The following CA1 variants were observed in gnomAD, a reference collection of about 807,000 sequenced individuals.
The protein encoded by CA1 is carbonate dehydratase I.
A neutral mutation model predicts 28.8 loss-of-function variants in CA1; 27 were observed. The observed-to-expected ratio is 0.94, with a 90% confidence interval of 0.69 to 1.29. The LOEUF (loss-of-function observed/expected upper bound fraction) is 1.29, where lower values mean the gene tolerates loss of function less well. Among genes scored for constraint, CA1 ranks in the 50% most tolerant of loss-of-function variants. The pLI is 0.00. For missense variants in CA1, 335 were observed against 310.5 expected, an observed-to-expected ratio of 1.08 and a Z score of -0.59; for synonymous variants, 121 against 108.8, an observed-to-expected ratio of 1.11 and a Z score of -0.70.
chr8:85,344,274 A>ATTTGAAT (rs1809077093), intron 1 of CA1, among the ~76,000 whole-genome samples: 1 of 65,124 alleles, frequency 1.5e-5, no homozygotes, highest in African/African-American at 5.3e-5. Context: ...ATAATATATA[A>ATTTGAAT]TTATATATTA....
chr8:85,373,647 CAT>C (rs1179816487), intron 1 of CA1, among the ~76,000 whole-genome samples: 1 of 152,054 alleles, frequency 6.6e-6, no homozygotes, highest in African/African-American at 2.4e-5. Context: ...AGGAAAAAAA[CAT>C]AGTGTTTATA....
chr8:85,367,010 A>C (rs1026036165), intron 1 of CA1, among the ~76,000 whole-genome samples: 7 of 152,068 alleles, frequency 4.6e-5, no homozygotes, highest in Non-Finnish European at 1.0e-4. Flanking sequence ...TTATAATAAA[A>C]TTATTTAAAT....
chr8:85,353,341 A>G (rs1030043380), intron 1 of CA1, among the ~76,000 whole-genome samples: 17 of 152,354 alleles, frequency 1.1e-4, no homozygotes, highest in Admixed American at 8.5e-4. Flanking sequence ...TGTGGTTTCA[A>G]ATTCAAAGGT....
Position 85,328,625 on chromosome 8 carries a change from G to T in CA1, c.721C>A (p.Pro241Thr). 2 of 1,611,462 alleles carry T rather than the reference G, an allele frequency of 1.2e-6. No homozygotes were observed. Among genetic ancestry groups the T allele is most frequent in the Non-Finnish European group, 1.7e-6 (2 of 1,178,220 alleles). The change falls in exon 8 of 8, where the codon CCC becomes ACC. Residue 241 changes from proline (P) to threonine (T), a missense_variant. Coordinates refer to ENST00000523022, the MANE Select transcript of CA1 (RefSeq NM_001128831.4). ...GTTGGGCGGTTGTTGTGCTGCATGGGGACAGCGTTATCACCTTCAACATTT... is the reference window on the plus strand; with the variant it reads ...GTTGGGCGGTTGTTGTGCTGCATGGTGACAGCGTTATCACCTTCAACATTT... The part of the protein sequence containing the change: ...LSNVEGDNAV[P>T]MQHNNRPTQP...
intron 1 of CA1, among the ~76,000 whole-genome samples, chr8:85,361,089 G>A (rs1003406171): frequency 6.6e-6 from 1 of 152,124 alleles, no homozygotes; most frequent in Non-Finnish European, 1.5e-5. Context: ...GGCACATGTT[G>A]TCCCATCCTG....
chr8:85,346,171 A>G (rs1218372985), intron 1 of CA1, among the ~76,000 whole-genome samples: 1 of 152,186 alleles, frequency 6.6e-6, no homozygotes, highest in Non-Finnish European at 1.5e-5. Flanking sequence ...TTTTAAGTAT[A>G]TCTCATTGAC....
intron 1 of CA1, among the ~76,000 whole-genome samples, chr8:85,352,312 C>T (rs1297393896): frequency 6.6e-6 from 1 of 152,148 alleles, no homozygotes; most frequent in Admixed American, 6.5e-5. Context: ...GTGGCACTTG[C>T]AGAATCCTGG....
intron 1 of CA1, among the ~76,000 whole-genome samples, chr8:85,365,207 T>C (rs906473953): frequency 1.2e-4 from 19 of 152,222 alleles, no homozygotes; most frequent in African/African-American, 4.6e-4. Context: ...ACATTAATGA[T>C]GACAAAGGGT....
chr8:85,332,233 G>A (rs1258395914), intron 6 of CA1: 1 of 354,812 alleles, frequency 2.8e-6, no homozygotes, highest in African/African-American at 2.1e-5. Flanking sequence ...AATTTAAATG[G>A]CTATGTAATC....
At chr8:85,353,846 T>A (rs1229054627) in intron 1 of CA1, among the ~76,000 whole-genome samples, 4 of 152,206 alleles carry the variant, frequency 2.6e-5, no homozygotes, top group African/African-American at 7.2e-5. Flanking sequence ...GGAAAAGGGG[T>A]CTAGTAATAT....
intron 1 of CA1, among the ~76,000 whole-genome samples, chr8:85,362,257 G>T (rs995993883): frequency 1.3e-5 from 2 of 151,978 alleles, no homozygotes; most frequent in Admixed American, 6.6e-5. Context: ...ATTATATCAG[G>T]CCCATCTGGA....
At chr8:85,377,951 G>A (rs561728030) in intron 1 of CA1, 95 bp downstream of exon 1, 67 of 152,310 alleles carry the variant, frequency 4.4e-4, no homozygotes, top group African/African-American at 1.1e-3. Context: ...GATGTAGGTA[G>A]GACTGTATTT....
chr8:85,369,595 G>A (rs968222829), intron 1 of CA1, among the ~76,000 whole-genome samples: 1 of 152,170 alleles, frequency 6.6e-6, no homozygotes, highest in South Asian at 2.1e-4. Flanking sequence ...AGAAGGAGAT[G>A]TTTAGCCAGA....
chr8:85,329,904 A>T, intron 6 of CA1, 60 bp from the exon 7 acceptor site: 2 of 1,225,538 alleles, frequency 1.6e-6, no homozygotes, highest in Non-Finnish European at 2.3e-6. Context: ...AATATATGTG[A>T]CATATATATG....
At chr8:85,361,191 C>A (rs1809781046) in intron 1 of CA1, among the ~76,000 whole-genome samples, 1 of 152,104 alleles carries the variant, frequency 6.6e-6, no homozygotes, top group Non-Finnish European at 1.5e-5. Flanking sequence ...CTCAAGGGAG[C>A]TGAACTGGTT....
rs566694208 is a variant in CA1 at position 85,346,080 on chromosome 8, C to T, written c.-24-4421G>A. On this transcript the variant is annotated intron_variant, in intron 1 of 7. Coordinates refer to ENST00000523022, the MANE Select transcript of CA1 (RefSeq NM_001128831.4). ...TGTTTTTTATTAACAACCAAGTCAA[C>T]TCTTTATATGTAATCATTTTAATAC... 3.3e-5 allele frequency among the ~76,000 whole-genome samples: 5 copies of T among 152,134 alleles called. No homozygotes were observed. The South Asian group carries it at 1.0e-3, about 31-fold the overall frequency.
At chr8:85,368,328 C>T (rs1229429314) in intron 1 of CA1, among the ~76,000 whole-genome samples, 2 of 151,728 alleles carry the variant, frequency 1.3e-5, no homozygotes, top group African/African-American at 2.4e-5. Flanking sequence ...CCACCATGCC[C>T]GGGTAATTTT....
intron 5 of CA1, among the ~76,000 whole-genome samples, chr8:85,333,067 T>C (rs1208364887): frequency 6.6e-6 from 1 of 152,204 alleles, no homozygotes; most frequent in Non-Finnish European, 1.5e-5. Context: ...AAAAAATCAA[T>C]TGAATATTCT....
At chr8:85,347,513 C>G (rs1438406712) in intron 1 of CA1, among the ~76,000 whole-genome samples, 1 of 152,156 alleles carries the variant, frequency 6.6e-6, no homozygotes. Context: ...AGTCATATGC[C>G]TTGCCTGTAA....
Sources: allele counts gnomAD v4.1 joint callset (sites outside exome capture counted in the v4.1 genomes callset), GRCh38; gene constraint gnomAD v4.1.1; transcripts MANE v1.5; gene names NCBI Gene and HGNC (gene_info 2026-07-23, HGNC 2026-07-21).